SOX6: variants seen among roughly 807,000 people sequenced by gnomAD.
The protein encoded by SOX6 is transcription factor SOX-6.
In SOX6, 11 loss-of-function variants were observed where a neutral mutation model predicts 97.8. The observed-to-expected ratio is 0.11, with a 90% CI of 0.07 to 0.19. SOX6 has a LOEUF of 0.19. Ranked by LOEUF, SOX6 falls within the 10% of genes least tolerant of loss-of-function variation. The probability of loss-of-function intolerance (pLI) is 1.00; values close to 1 mark genes in which losing one functional copy is unlikely to be tolerated. For synonymous variants in SOX6, 360 were observed against 371.4 expected, an observed-to-expected ratio of 0.97 and a Z score of 0.35; for missense variants, 810 against 1,039.5, an observed-to-expected ratio of 0.78 and a Z score of 3.04.
At chr11:16,678,405 G>C (rs563922771) in intron 3 of SOX6, among the ~76,000 whole-genome samples, 1 of 152,114 alleles carries the variant, frequency 6.6e-6, no homozygotes, top group African/African-American at 2.4e-5. Context: ...TATTTATTTA[G>C]AAGTATATTA....
intron 3 of SOX6, among the ~76,000 whole-genome samples, chr11:16,710,382 G>A (rs1276027223): frequency 6.6e-6 from 1 of 152,186 alleles, no homozygotes; most frequent in Admixed American, 6.5e-5. Context: ...TCAATGATGT[G>A]AAATGAAGTG....
chr11:16,053,807 A>G (rs139300879), intron 10 of SOX6, among the ~76,000 whole-genome samples: 6 of 152,268 alleles, frequency 3.9e-5, no homozygotes, highest in African/African-American at 1.4e-4. Context: ...ACAGAGAAAA[A>G]GCAATGACTA....
At chr11:16,619,842 G>A (rs7110541) in intron 3 of SOX6, among the ~76,000 whole-genome samples, 151,313 of 152,198 alleles carry the variant, frequency 0.99, 75,225 homozygotes, top group East Asian at 1. Flanking sequence ...CACCACCCAT[G>A]GGCATTTATT....
intron 1 of SOX6, among the ~76,000 whole-genome samples, chr11:16,414,810 T>A (rs1273312468): frequency 6.6e-6 from 1 of 152,106 alleles, no homozygotes; most frequent in East Asian, 1.9e-4. Flanking sequence ...ATGAAATATA[T>A]CAAGAAAATA....
At chr11:16,551,646 C>T (rs1252736055) in intron 4 of SOX6, among the ~76,000 whole-genome samples, 1 of 152,034 alleles carries the variant, frequency 6.6e-6, no homozygotes, top group Non-Finnish European at 1.5e-5. Context: ...CTCTGTCACC[C>T]AGGCTGGAGT....
At chr11:16,569,446 C>A (rs182952408) in intron 4 of SOX6, among the ~76,000 whole-genome samples, 1 of 152,156 alleles carries the variant, frequency 6.6e-6, no homozygotes, top group African/African-American at 2.4e-5. Context: ...TCCAGTGGTA[C>A]AATCAGTTAG....
intron 4 of SOX6, among the ~76,000 whole-genome samples, chr11:16,609,390 T>G (rs1848371777): frequency 6.6e-6 from 1 of 152,214 alleles, no homozygotes; most frequent in Non-Finnish European, 1.5e-5. Flanking sequence ...AGATCCTTAC[T>G]GTATAGAAAC....
At chr11:16,067,558 T>A (rs1365981788) in intron 9 of SOX6, among the ~76,000 whole-genome samples, 1 of 152,168 alleles carries the variant, frequency 6.6e-6, no homozygotes, top group Non-Finnish European at 1.5e-5. Flanking sequence ...AACCTCTTTT[T>A]CTTTATAAAT....
Position 15,986,290 on chromosome 11 carries a change from A to T in SOX6, c.2097T>A (p.Ile699=), listed in dbSNP as rs775439918. Residue 699 remains isoleucine (I), a synonymous_variant, in exon 15 of 16, where the codon ATT becomes ATA. Coordinates refer to ENST00000683767, the MANE Select transcript of SOX6 (RefSeq NM_001367873.1). ...CAATCCGAAGCTTTTTGCCATCAAC[A>T]ATGCAGGTGCGTTTCGGTCGGGGTT... The part of the protein sequence containing the change: ...KYKPRPKRTC[I]VDGKKLRIGE... 2 of 1,613,954 alleles carry T rather than the reference A, an allele frequency of 1.2e-6. No homozygotes were observed. The highest frequency in any genetic ancestry group is 3.3e-4 in the Middle Eastern group (2 of 6,084).
intron 5 of SOX6, among the ~76,000 whole-genome samples, chr11:16,185,162 T>A (rs769468742): frequency 1.2e-4 from 18 of 152,156 alleles, no homozygotes; most frequent in Non-Finnish European, 2.2e-4. Context: ...TGACAACTGG[T>A]TCCTACTGGA....
At chr11:16,304,252 CTGTGTTCTGAATTT>C (rs1385238576) in intron 3 of SOX6, among the ~76,000 whole-genome samples, 3 of 152,052 alleles carry the variant, frequency 2.0e-5, no homozygotes, top group Non-Finnish European at 4.4e-5. Context: ...TCATATGTTG[CTGTGTTCTGAATTT>C]TGTGTCTCCC....
At chr11:16,170,828 A>C (rs992667727) in intron 6 of SOX6, among the ~76,000 whole-genome samples, 1 of 152,022 alleles carries the variant, frequency 6.6e-6, no homozygotes, top group Non-Finnish European at 1.5e-5. Flanking sequence ...TTGAAAAAAG[A>C]CCACATTATC....
chr11:16,693,080 T>C (rs1848028289), intron 3 of SOX6, among the ~76,000 whole-genome samples: 3 of 152,186 alleles, frequency 2.0e-5, no homozygotes. Context: ...ACAAATCTTT[T>C]GTTATTTCTG....
intron 6 of SOX6, among the ~76,000 whole-genome samples, chr11:16,152,320 C>T (rs554694604): frequency 3.4e-4 from 52 of 152,218 alleles, no homozygotes; most frequent in Non-Finnish European, 5.7e-4. Context: ...AAGTCACAGG[C>T]GTGTTTGACC....
At chr11:16,339,445 C>A (rs1856560675) in intron 2 of SOX6, among the ~76,000 whole-genome samples, 1 of 151,720 alleles carries the variant, frequency 6.6e-6, no homozygotes, top group African/African-American at 2.4e-5. Context: ...CATGCTGTTC[C>A]CTCTGCAGTT....
chr11:16,383,662 T>C (rs948759447), intron 1 of SOX6, among the ~76,000 whole-genome samples: 1 of 152,092 alleles, frequency 6.6e-6, no homozygotes, highest in East Asian at 1.9e-4. Context: ...TATGAACTAA[T>C]AACAATTCAA....
chr11:16,464,116 C>T (rs1172464968), intron 1 of SOX6, among the ~76,000 whole-genome samples: 1 of 152,110 alleles, frequency 6.6e-6, no homozygotes, highest in East Asian at 1.9e-4. Context: ...TTTCTCTATC[C>T]TGTTCTTAGA....
chr11:16,509,998 T>C (rs1479361118), intron 4 of SOX6, among the ~76,000 whole-genome samples: 4 of 152,110 alleles, frequency 2.6e-5, no homozygotes, highest in African/African-American at 9.6e-5. Flanking sequence ...TTCATTTCAG[T>C]TAATCTTATA....
intron 4 of SOX6, among the ~76,000 whole-genome samples, chr11:16,505,288 T>C (rs1373270042): frequency 1.3e-5 from 2 of 152,200 alleles, no homozygotes; most frequent in Admixed American, 6.5e-5. Flanking sequence ...ACTCTTGCTA[T>C]GCTTTAGCAA....
Sources: gnomAD v4.1 joint callset for allele counts (sites outside exome capture counted in the v4.1 genomes callset) on GRCh38, gnomAD v4.1.1 for gene constraint, MANE v1.5 for transcripts, NCBI Gene and HGNC (gene_info 2026-07-23, HGNC 2026-07-21) for gene names.